Variants in CNPY3 observed in about 807,000 individuals in gnomAD.
CNPY3 encodes the protein protein canopy homolog 3.
In CNPY3, 20 loss-of-function variants were observed where a neutral mutation model predicts 32.0. The observed-to-expected ratio is 0.63, with a 90% CI of 0.44 to 0.91. The LOEUF is 0.91. Among genes scored for constraint, CNPY3 ranks in the 40% least tolerant of loss-of-function variants. The pLI is 0.00. For missense variants in CNPY3, 299 were observed against 340.8 expected, an observed-to-expected ratio of 0.88 and a Z score of 0.97; for synonymous variants, 138 against 142.9, an observed-to-expected ratio of 0.97 and a Z score of 0.24.
intron 1 of CNPY3, among the ~76,000 whole-genome samples, chr6:42,933,921 A>G (rs2114165663): frequency 6.6e-6 from 1 of 152,356 alleles, no homozygotes; most frequent in Middle Eastern, 3.4e-3. Context: ...CTGTAATCCC[A>G]GCACTTTGTG....
At chr6:42,931,425 C>T (rs1420349941) in intron 1 of CNPY3, among the ~76,000 whole-genome samples, 2 of 148,450 alleles carry the variant, frequency 1.3e-5, no homozygotes, top group African/African-American at 5.1e-5. Context: ...GTCTGGAGTG[C>T]AGTGGTGCGA....
rs755380765 is a variant in CNPY3 at position 42,929,649 on chromosome 6, G to A, written c.79G>A (p.Ala27Thr). ...LLLLLLLLLP[A>T]PELGPSQAGA... ...GCTGCTGCTGCTGCTGCTGCTGCCG[G>A]CCCCGGAGCTGGGCCCGAGCCAGGC... is the stretch of plus-strand genomic sequence containing the variant. Residue 27 changes from alanine (A) to threonine (T), a missense_variant, in exon 1 of 6, where the codon GCC becomes ACC. Around this residue, in one of 2 missense-constraint regions of CNPY3, gnomAD observed 88 missense variants for 62.5 expected, o/e 1.41. Transcript: ENST00000372836. The A allele has an allele frequency of 2.1e-5, 33 of 1,553,518 alleles. No homozygotes were observed. Among genetic ancestry groups the A allele is most frequent in the Middle Eastern group, 1.7e-4 (1 of 5,816 alleles).
rs539407069 is a variant in CNPY3 at position 42,931,513 on chromosome 6, G to A, written c.151+1792G>A. Among the ~76,000 whole-genome samples the A allele has an allele frequency of 1.4e-4, 22 of 151,764 alleles. No homozygotes were observed. The South Asian group carries it at 4.2e-3, about 29-fold the overall frequency. ...GCCTCCCGAGTAGGTGGGACTACAG[G>A]TGTGTGCCACCACTCCCGGCTATTT... On this transcript the variant is annotated intron_variant, in intron 1 of 5. Coordinates refer to ENST00000372836, the MANE Select transcript of CNPY3 (RefSeq NM_006586.5).
Position 42,934,548 on chromosome 6 carries a change from G to A in CNPY3, c.225G>A (p.Thr75=), listed in dbSNP as rs75557671. The change falls in exon 2 of 6, where the codon ACG becomes ACA. Residue 75 remains threonine, a synonymous_variant. Coordinates refer to ENST00000372836, the MANE Select transcript of CNPY3 (RefSeq NM_006586.5). ...GCAAGACCAAGGAGGTGATTGGCAC[G>A]GGCTATGGCATCCTGGACCAGAAGG... ...ETGKTKEVIG[T]GYGILDQKAS... 196 of 1,614,120 alleles carry A rather than the reference G, an allele frequency of 1.2e-4. 2 individuals are homozygous for A. The East Asian group carries it at 1.9e-3, about 15-fold the overall frequency.
chr6:42,929,721 G>A lies in CNPY3; in HGVS notation c.151G>A (p.Val51Met). The A allele has an allele frequency of 6.5e-7, 1 of 1,544,830 alleles. No homozygotes were observed. The highest frequency in any genetic ancestry group is 8.7e-7 in the Non-Finnish European group (1 of 1,143,214). ...GGTTCGCCTGCCCAGCAAATGCGAAGGTGAGGAGGCGGGGCCCGTGGGGCG... is the reference window on the plus strand; with the variant it reads ...GGTTCGCCTGCCCAGCAAATGCGAAAGTGAGGAGGCGGGGCCCGTGGGGCG... Reference protein sequence around the residue: ...DWVRLPSKCEVCKYVAVELKS... With the variant: ...DWVRLPSKCEMCKYVAVELKS... The change falls in exon 1 of 6, where the codon GTG becomes ATG. Residue 51 changes from valine (V) to methionine (M), a missense_variant and splice_region_variant. Around this residue, in one of 2 missense-constraint regions of CNPY3, gnomAD observed 88 missense variants for 62.5 expected, o/e 1.41. Coordinates refer to ENST00000372836, the MANE Select transcript of CNPY3 (RefSeq NM_006586.5).
chr6:42,937,997 C>T, intron 4 of CNPY3, 93 bp from the exon 5 acceptor site: 1 of 1,439,788 alleles, frequency 6.9e-7, no homozygotes, highest in Non-Finnish European at 9.8e-7. Flanking sequence ...CTGCCACTGC[C>T]TACCTTGCAG....
upstream of CNPY3, among the ~76,000 whole-genome samples, chr6:42,928,201 C>T (rs538623852): frequency 2.8e-4 from 43 of 152,224 alleles, no homozygotes; most frequent in South Asian, 2.9e-3. Context: ...CTTGGCCAGG[C>T]TGGTCTTGAA....
chr6:42,936,598 C>T (rs981125389), intron 3 of CNPY3, among the ~76,000 whole-genome samples: 8 of 152,148 alleles, frequency 5.3e-5, no homozygotes, highest in Non-Finnish European at 1.2e-4. Flanking sequence ...CGCAGTGGTG[C>T]GATCTCAGTT....
intron 5 of CNPY3, 104 bp downstream of exon 5, chr6:42,938,311 A>C: frequency 2.2e-6 from 2 of 928,272 alleles, no homozygotes; most frequent in Non-Finnish European, 3.6e-6. Flanking sequence ...AGGGCATTGT[A>C]GGATCTCTGC....
chr6:42,936,082 C>A (rs117529509), intron 3 of CNPY3, among the ~76,000 whole-genome samples: 1 of 133,762 alleles, frequency 7.5e-6, no homozygotes, highest in Non-Finnish European at 1.6e-5. Flanking sequence ...CCCACAACCC[C>A]GCTGGGATGC....
chr6:42,935,483 G>A (rs1768149973), intron 2 of CNPY3, 91 bp from the exon 3 acceptor site: 7 of 1,492,288 alleles, frequency 4.7e-6, no homozygotes, highest in Non-Finnish European at 6.3e-6. Flanking sequence ...GGTGAGATGT[G>A]CAGGTGTTGG....
In CNPY3 at chr6:42,934,542, T is replaced by A. The variant is rs761244184; in HGVS notation, c.219T>A (p.Ile73=). Residue 73 remains isoleucine (I), a synonymous_variant, in exon 2 of 6, where the codon ATT becomes ATA. Coordinates refer to ENST00000372836, the MANE Select transcript of CNPY3 (RefSeq NM_006586.5). ...AAACCGGCAAGACCAAGGAGGTGAT[T>A]GGCACGGGCTATGGCATCCTGGACC... ...FEETGKTKEV[I]GTGYGILDQK... 1 of 1,614,118 alleles carries A rather than the reference T, an allele frequency of 6.2e-7. No homozygotes were observed. Among genetic ancestry groups the A allele is most frequent in the Admixed American group, 1.7e-5 (1 of 60,010 alleles).
At chr6:42,928,478 C>T (rs1327565517), upstream of CNPY3, among the ~76,000 whole-genome samples, 1 of 151,358 alleles carries the variant, frequency 6.6e-6, no homozygotes. Context: ...GAGACAGGGT[C>T]TCAATCTGTT....
chr6:42,938,806 C>G lies in CNPY3; in HGVS notation c.*15C>G, dbSNP rs1236652779. 7.2e-7 allele frequency: 1 copy of G among 1,389,852 alleles called. No homozygotes were observed. The highest frequency in any genetic ancestry group is 9.5e-7 in the Non-Finnish European group (1 of 1,050,652). 86.1% of individuals were successfully genotyped at this position (1,389,852 alleles called of 1,614,324 possible). A position where few individuals can be genotyped will look rare whatever the true frequency, so the allele number is the denominator to read the frequency against. ...ATGAGCTCTGAGCCCACCCAGCATC[C>G]TCTGTCCTGAGACCCCTGATTTTGA... On this transcript the variant is annotated 3_prime_UTR_variant, in exon 6 of 6. Transcript: ENST00000372836.
At chr6:42,928,039 G>A (rs926063101), upstream of CNPY3, among the ~76,000 whole-genome samples, 1 of 149,362 alleles carries the variant, frequency 6.7e-6, no homozygotes, top group African/African-American at 2.5e-5. Flanking sequence ...CCAGGCTGGA[G>A]TGCAATGGCG....
chr6:42,929,723 TGA>T lies in CNPY3; in HGVS notation c.151+4_151+5del. ...TTCGCCTGCCCAGCAAATGCGAAGG[TGA>T]GGAGGCGGGGCCCGTGGGGCGTATC... On this transcript the variant is annotated splice_donor_region_variant and intron_variant, in intron 1 of 5. Transcript: ENST00000372836. 1 of 1,543,802 alleles carries T rather than the reference TGA, an allele frequency of 6.5e-7. No individual in the cohort carries two copies. The highest frequency in any genetic ancestry group is 2.5e-5 in the East Asian group (1 of 40,768).
intron 5 of CNPY3, 81 bp downstream of exon 5, chr6:42,938,288 CAG>C (rs1362779355): frequency 2.1e-5 from 21 of 989,924 alleles, no homozygotes; most frequent in Non-Finnish European, 2.8e-5. Context: ...GGAGGAGAAA[CAG>C]AGGGCACCAG....
At chr6:42,929,435 C>G (rs2234187), upstream of CNPY3, 7 of 930,756 alleles carry the variant, frequency 7.5e-6, no homozygotes, top group Non-Finnish European at 1.1e-5. Context: ...GAGAGGAGGG[C>G]GGGCGGGAGG....
chr6:42,938,066 AAT>A, intron 4 of CNPY3, 22 bp from the exon 5 acceptor site: 1 of 1,596,746 alleles, frequency 6.3e-7, no homozygotes, highest in South Asian at 1.1e-5. Context: ...GGGCTTTGCC[AAT>A]ATGAGGTATT....
Sources: allele counts gnomAD v4.1 joint callset (sites outside exome capture counted in the v4.1 genomes callset), GRCh38; gene constraint gnomAD v4.1.1; regional missense constraint gnomAD v4.1.1; transcripts MANE v1.5; gene names NCBI Gene and HGNC (gene_info 2026-07-23, HGNC 2026-07-21).